The following RWDD4 variants were observed in gnomAD, a reference collection of about 807,000 sequenced individuals.
RWDD4 encodes the protein RWD domain containing 4.
RWDD4 carries 16 observed loss-of-function variants against 30.0 expected under a neutral mutation model. That is an observed-to-expected ratio of 0.53 (90% CI 0.36 to 0.81). The LOEUF is 0.81. Among genes scored for constraint, RWDD4 ranks in the 30% least tolerant of loss-of-function variants. The pLI, the probability that RWDD4 is intolerant of heterozygous loss-of-function variation, is 0.00. For missense variants in RWDD4, 170 were observed against 223.9 expected, an observed-to-expected ratio of 0.76 and a Z score of 1.54; for synonymous variants, 45 against 72.1, an observed-to-expected ratio of 0.62 and a Z score of 1.90.
In RWDD4 at chr4:183,641,355, T is replaced by C. The variant is rs1256224591; in HGVS notation, c.*81A>G. 17 of 1,173,042 alleles carry C rather than the reference T, an allele frequency of 1.4e-5. No homozygotes were observed. Among genetic ancestry groups the C allele is most frequent in the Non-Finnish European group, 2.0e-5 (16 of 799,262 alleles). The allele number at this position is 1,173,042 out of a possible 1,614,324, so 72.7% of individuals were successfully genotyped here. On this transcript the variant is annotated 3_prime_UTR_variant, in exon 8 of 8. Transcript: ENST00000326397. ...TGTGTTTTATAAAAAGTCGCCTCAA[T>C]ACCAGAAAATAGTAATGAAAGATTT...
chr4:183,648,947 A>T (rs1734019655), intron 5 of RWDD4, among the ~76,000 whole-genome samples: 1 of 152,004 alleles, frequency 6.6e-6, no homozygotes, highest in South Asian at 2.1e-4. Context: ...CCTGGGTTCA[A>T]GCAATTCTCC....
At chr4:183,656,968 G>A (rs1350281364) in intron 1 of RWDD4, among the ~76,000 whole-genome samples, 3 of 152,258 alleles carry the variant, frequency 2.0e-5, no homozygotes, top group Non-Finnish European at 4.4e-5. Context: ...GGAGGTTGCA[G>A]TGAGCCGAGA....
At position 183,654,192 on chromosome 4, in the gene RWDD4, A is replaced by C. The variant is rs191828657; in HGVS notation, c.105+1689T>G. Among the ~76,000 whole-genome samples, 23 of 152,350 alleles carry C rather than the reference A, an allele frequency of 1.5e-4. No homozygotes were observed. In the East Asian group the frequency reaches 4.2e-3, roughly 28 times the overall value. ...AGTGGAGGGGAAAGTTTGGAGACAGAAACAAACAGAAGGATTTGGAGTGTC... is the reference window on the plus strand; with the variant it reads ...AGTGGAGGGGAAAGTTTGGAGACAGCAACAAACAGAAGGATTTGGAGTGTC... On this transcript the variant is annotated intron_variant, in intron 2 of 7. Coordinates refer to ENST00000326397, the MANE Select transcript of RWDD4 (RefSeq NM_152682.4).
chr4:183,651,339 G>A lies in RWDD4; in HGVS notation c.106-12C>T. 6.3e-7 allele frequency: 1 copy of A among 1,587,018 alleles called. No individual in the cohort carries two copies. The highest frequency in any genetic ancestry group is 2.2e-5 in the East Asian group (1 of 44,760). ...CCATTTTCACCTATCTGAAGAGAAG[G>A]GGAAATCTTAGGCTTGTAAAAGGTG... On this transcript the variant is annotated splice_polypyrimidine_tract_variant and intron_variant, in intron 2 of 7. Coordinates refer to ENST00000326397, the MANE Select transcript of RWDD4 (RefSeq NM_152682.4).
chr4:183,650,859 G>T, intron 4 of RWDD4, 125 bp downstream of exon 4: 1 of 838,316 alleles, frequency 1.2e-6, no homozygotes, highest in Non-Finnish European at 1.8e-6. Context: ...ATTTAACTCA[G>T]GTGTAACTCT....
At chr4:183,658,257 A>T (rs1561016389) in intron 1 of RWDD4, among the ~76,000 whole-genome samples, 1 of 152,224 alleles carries the variant, frequency 6.6e-6, no homozygotes, top group Non-Finnish European at 1.5e-5. Flanking sequence ...TCTACCACGT[A>T]CTTACTGTGC....
intron 4 of RWDD4, among the ~76,000 whole-genome samples, chr4:183,650,287 C>G (rs1208393924): frequency 6.6e-6 from 1 of 152,150 alleles, no homozygotes; most frequent in Admixed American, 6.5e-5. Context: ...TTAGCTACCA[C>G]CCTCCACTGC....
At chr4:183,642,253 G>A (rs1353062560) in intron 7 of RWDD4, among the ~76,000 whole-genome samples, 3 of 124,394 alleles carry the variant, frequency 2.4e-5, no homozygotes, top group African/African-American at 3.7e-5. Flanking sequence ...GCAGTGGCGC[G>A]ATCTCGGCTC....
intron 7 of RWDD4, among the ~76,000 whole-genome samples, chr4:183,645,599 C>CAAAAA (rs11310523): frequency 2.7e-5 from 3 of 111,522 alleles, no homozygotes; most frequent in Non-Finnish European, 5.6e-5. Flanking sequence ...TCTGTCTCTG[C>CAAAAA]AAAAAAAAAA....
At chr4:183,650,948 C>G in intron 4 of RWDD4, 36 bp downstream of exon 4, 7 of 1,588,156 alleles carry the variant, frequency 4.4e-6, no homozygotes, top group Non-Finnish European at 2.6e-6. Context: ...ACCAAAACAA[C>G]AAAAGAATCC....
chr4:183,658,415 T>A (rs970699940), intron 1 of RWDD4, among the ~76,000 whole-genome samples: 4 of 152,150 alleles, frequency 2.6e-5, no homozygotes, highest in African/African-American at 9.7e-5. Context: ...AACCATAAAT[T>A]CAGGTGGTAC....
intron 7 of RWDD4, among the ~76,000 whole-genome samples, chr4:183,644,894 C>T (rs902946561): frequency 3.9e-5 from 6 of 151,998 alleles, no homozygotes; most frequent in African/African-American, 7.3e-5. Context: ...CCCAGGAGTT[C>T]GGGACCAGCA....
intron 7 of RWDD4, among the ~76,000 whole-genome samples, chr4:183,645,511 G>T (rs1026275652): frequency 6.6e-6 from 1 of 151,600 alleles, no homozygotes; most frequent in Admixed American, 6.6e-5. Flanking sequence ...GGCTGCCGCC[G>T]GCAATCCCAG....
At chr4:183,648,248 GAAAA>G (rs1207009091) in intron 5 of RWDD4, among the ~76,000 whole-genome samples, 1 of 101,616 alleles carries the variant, frequency 9.8e-6, no homozygotes, top group African/African-American at 3.1e-5. Flanking sequence ...AAAGAAAAAA[GAAAA>G]AAAAAAAAAA....
In RWDD4 at chr4:183,655,844, A is replaced by C. The variant is rs73002731; in HGVS notation, c.105+37T>G. On this transcript the variant is annotated intron_variant, in intron 2 of 7. Transcript: ENST00000326397. Reference sequence around the variant, plus strand: ...TTTAGCCACTTTCAGTCTTTTCTAGAAAAGTTCTAAGTGCTCTTATTCATG... The same window carrying C: ...TTTAGCCACTTTCAGTCTTTTCTAGCAAAGTTCTAAGTGCTCTTATTCATG... 0.015 allele frequency: 19,108 copies of C among 1,294,506 alleles called. 2,224 individuals carry two copies. The African/African-American group carries it at 0.25, about 17-fold the overall frequency. The allele number at this position is 1,294,506 out of a possible 1,614,324, so 80.2% of individuals were successfully genotyped here.
At position 183,641,371 on chromosome 4, in the gene RWDD4, T is replaced by C. The variant is rs1258663685; in HGVS notation, c.*65A>G. 5 of 1,292,594 alleles carry C rather than the reference T, an allele frequency of 3.9e-6. No homozygotes were observed. Among genetic ancestry groups the C allele is most frequent in the Admixed American group, 4.0e-5 (2 of 50,178 alleles). 80.1% of individuals were successfully genotyped at this position (1,292,594 alleles called of 1,614,324 possible). A position where few individuals can be genotyped will look rare whatever the true frequency, so the allele number is the denominator to read the frequency against. ...TCGCCTCAATACCAGAAAATAGTAATGAAAGATTTTGAACCCAGTTTTACT... is the reference window on the plus strand; with the variant it reads ...TCGCCTCAATACCAGAAAATAGTAACGAAAGATTTTGAACCCAGTTTTACT... On this transcript the variant is annotated 3_prime_UTR_variant, in exon 8 of 8. Transcript: ENST00000326397.
chr4:183,646,429 C>T (rs1008095733), intron 6 of RWDD4, 59 bp downstream of exon 6: 1 of 1,591,600 alleles, frequency 6.3e-7, no homozygotes, highest in Admixed American at 1.8e-5. Context: ...ATAAGAATTT[C>T]ATTATTTGCT....
intron 2 of RWDD4, among the ~76,000 whole-genome samples, chr4:183,653,834 G>A (rs1477506930): frequency 6.6e-6 from 1 of 152,180 alleles, no homozygotes; most frequent in Non-Finnish European, 1.5e-5. Context: ...GCTGGGTACC[G>A]AAGATACAAA....
intron 1 of RWDD4, among the ~76,000 whole-genome samples, chr4:183,657,260 A>C (rs1225923942): frequency 4.6e-5 from 7 of 152,200 alleles, no homozygotes; most frequent in Admixed American, 1.3e-4. Flanking sequence ...ACAAAAAAAA[A>C]CAAAATACAG....
Sources: gnomAD v4.1 joint callset for allele counts (sites outside exome capture counted in the v4.1 genomes callset) on GRCh38, gnomAD v4.1.1 for gene constraint, MANE v1.5 for transcripts, NCBI Gene and HGNC (gene_info 2026-07-23, HGNC 2026-07-21) for gene names.